SHROOM3: variants seen among roughly 807,000 people sequenced by gnomAD.
SHROOM3 encodes shroom family member 3, also known as protein Shroom3.
Under a neutral mutation model 138.6 loss-of-function variants are expected in SHROOM3, and 47 were observed. That is an observed-to-expected ratio of 0.34 (90% CI 0.27 to 0.43). The LOEUF is 0.43. Ranked by LOEUF, SHROOM3 falls within the 20% of genes least tolerant of loss-of-function variation. The probability of loss-of-function intolerance (pLI) is 1.00; values close to 1 mark genes in which losing one functional copy is unlikely to be tolerated. For synonymous variants in SHROOM3, 1,062 were observed against 1,063.3 expected (o/e 1.00, Z 0.02); for missense variants, 2,491 against 2,596.5 (o/e 0.96, Z 0.88).
In SHROOM3 at chr4:76,472,779, C is replaced by T. The variant is rs144127500; in HGVS notation, c.168+36559C>T. On this transcript the variant is annotated intron_variant, in intron 1 of 10. Coordinates refer to ENST00000296043, the MANE Select transcript of SHROOM3 (RefSeq NM_020859.4). ...GCGTGATCTCAGCTCACTGCAACCT[C>T]CGTGTCCTGGGTTCAAGCGATTATT... is the stretch of plus-strand genomic sequence containing the variant. 3.7e-3 allele frequency among the ~76,000 whole-genome samples: 568 copies of T among 152,110 alleles called. 4 individuals carry two copies. Among genetic ancestry groups the T allele is most frequent in the African/African-American group, 0.013 (546 of 41,484 alleles).
chr4:76,715,671 T>C (rs1720352420), intron 3 of SHROOM3, among the ~76,000 whole-genome samples: 1 of 152,230 alleles, frequency 6.6e-6, no homozygotes, highest in Non-Finnish European at 1.5e-5. Flanking sequence ...TCACCATGCT[T>C]CATAAAGTAA....
At position 76,436,143 on chromosome 4, in the gene SHROOM3, T is replaced by G; in HGVS notation, c.91T>G (p.Phe31Val). 6.2e-7 allele frequency: 1 copy of G among 1,614,082 alleles called. No individual in the cohort carries two copies. The highest frequency in any genetic ancestry group is 8.5e-7 in the Non-Finnish European group (1 of 1,179,942). ...GGGAAGGTACATTTATCTGGAGGCA[T>G]TCCTGGAGGGAGGAGCTCCCTGGGG... is the stretch of plus-strand genomic sequence containing the variant. ...TKGRYIYLEA[F>V]LEGGAPWGFT... Residue 31 changes from phenylalanine (F) to valine (V), a missense_variant, in exon 1 of 11, where the codon TTC becomes GTC. Around this residue, in one of 4 missense-constraint regions of SHROOM3, gnomAD observed 284 missense variants for 322.8 expected, o/e 0.88. Coordinates refer to ENST00000296043, the MANE Select transcript of SHROOM3 (RefSeq NM_020859.4).
At chr4:76,610,082 G>C (rs748316064) in intron 2 of SHROOM3, among the ~76,000 whole-genome samples, 7 of 152,194 alleles carry the variant, frequency 4.6e-5, no homozygotes, top group Non-Finnish European at 8.8e-5. Context: ...AGGGTAATGA[G>C]GATATAATCT....
At chr4:76,688,434 C>CT (rs1281338827) in intron 2 of SHROOM3, 2 of 985,276 alleles carry the variant, frequency 2.0e-6, no homozygotes, top group Non-Finnish European at 2.4e-6. Flanking sequence ...GAGGTCTTCT[C>CT]TGTGTCTATA....
At chr4:76,500,363 T>A (rs1579196666) in intron 1 of SHROOM3, among the ~76,000 whole-genome samples, 1 of 152,134 alleles carries the variant, frequency 6.6e-6, no homozygotes. Flanking sequence ...CAGCTACAGG[T>A]CTCCCTGTGT....
At position 76,739,128 on chromosome 4, in the gene SHROOM3, G is replaced by T. The variant is rs551747532; in HGVS notation, c.955G>T (p.Ala319Ser). 6.2e-7 allele frequency: 1 copy of T among 1,614,214 alleles called. No individual in the cohort carries two copies. The highest frequency in any genetic ancestry group is 2.2e-5 in the East Asian group (1 of 44,886). ...TVYDTRRGVS[A>S]EYEVNSSALL... ...CTATGACACCCGGAGGGGAGTCTCA[G>T]CAGAGTATGAGGTGAACTCTTCAGC... The change falls in exon 5 of 11, where the codon GCA (alanine) becomes TCA (serine). Residue 319 changes from alanine to serine, a missense_variant. By Grantham distance (99) the Ala-to-Ser change is moderately conservative. This residue lies in a region of SHROOM3 where 1,733 missense variants were observed against 1,661.6 expected (regional missense o/e 1.04). Coordinates refer to ENST00000296043, the MANE Select transcript of SHROOM3 (RefSeq NM_020859.4).
intron 2 of SHROOM3, among the ~76,000 whole-genome samples, chr4:76,617,588 T>C (rs1014192012): frequency 1.3e-5 from 2 of 152,218 alleles, no homozygotes; most frequent in Non-Finnish European, 2.9e-5. Flanking sequence ...TGTAGACTTA[T>C]GCTAAGATGT....
chr4:76,584,362 CAACAT>C (rs1450485700), intron 2 of SHROOM3, among the ~76,000 whole-genome samples: 1 of 151,448 alleles, frequency 6.6e-6, no homozygotes, highest in African/African-American at 2.4e-5. Context: ...TTTACTGTAA[CAACAT>C]AACATCCATG....
chr4:76,586,231 G>A (rs1734149939), intron 2 of SHROOM3: 1 of 985,372 alleles, frequency 1.0e-6, no homozygotes, highest in Non-Finnish European at 1.2e-6. Flanking sequence ...TGGCTAATCA[G>A]GGCAGCCCAG....
chr4:76,694,014 A>T lies in SHROOM3; in HGVS notation c.324-16142A>T, dbSNP rs532085373. 5.3e-5 allele frequency among the ~76,000 whole-genome samples: 8 copies of T among 152,282 alleles called. No homozygotes were observed. The East Asian group carries it at 1.5e-3, about 29-fold the overall frequency. On this transcript the variant is annotated intron_variant, in intron 2 of 10. Transcript: ENST00000296043. ...CGATCTCTCTATCAAAATTAACGTCATGCTTTTCAGTAAAATGCTTTGGAC... is the reference window on the plus strand; with the variant it reads ...CGATCTCTCTATCAAAATTAACGTCTTGCTTTTCAGTAAAATGCTTTGGAC...
At chr4:76,588,257 A>C (rs564359321) in intron 2 of SHROOM3, among the ~76,000 whole-genome samples, 1 of 152,246 alleles carries the variant, frequency 6.6e-6, no homozygotes, top group African/African-American at 2.4e-5. Flanking sequence ...ATTAATAACT[A>C]TGATAAATAG....
chr4:76,610,799 T>A (rs567538455), intron 2 of SHROOM3, among the ~76,000 whole-genome samples: 1 of 152,176 alleles, frequency 6.6e-6, no homozygotes, highest in African/African-American at 2.4e-5. Context: ...GATTGAGAGA[T>A]CCAAAGTCAA....
intron 2 of SHROOM3, among the ~76,000 whole-genome samples, chr4:76,616,176 C>T (rs1001036999): frequency 2.6e-5 from 4 of 152,146 alleles, no homozygotes; most frequent in African/African-American, 9.7e-5. Context: ...CAGCATCATA[C>T]GGGGGTTAGG....
intron 2 of SHROOM3, among the ~76,000 whole-genome samples, chr4:76,577,860 GT>G (rs1336648011): frequency 2.6e-5 from 4 of 152,236 alleles, no homozygotes; most frequent in Non-Finnish European, 5.9e-5. Flanking sequence ...ATAAGACAAT[GT>G]TTCCATAAGC....
At chr4:76,477,688 A>T (rs1731516245) in intron 1 of SHROOM3, among the ~76,000 whole-genome samples, 1 of 152,234 alleles carries the variant, frequency 6.6e-6, no homozygotes, top group African/African-American at 2.4e-5. Flanking sequence ...GGCTGGCAAG[A>T]TGGCCGAATA....
chr4:76,440,697 G>A (rs995314808), intron 1 of SHROOM3, among the ~76,000 whole-genome samples: 2 of 152,066 alleles, frequency 1.3e-5, no homozygotes, highest in African/African-American at 4.8e-5. Context: ...TTAAAGGTAG[G>A]CCACTGCCCT....
chr4:76,528,512 C>A (rs1343980152), intron 1 of SHROOM3, among the ~76,000 whole-genome samples: 2 of 147,244 alleles, frequency 1.4e-5, no homozygotes, highest in Non-Finnish European at 3.0e-5. Context: ...AATTCTTAGT[C>A]AATATAGGAC....
intron 1 of SHROOM3, among the ~76,000 whole-genome samples, chr4:76,514,557 C>T (rs1330249550): frequency 6.6e-6 from 1 of 152,062 alleles, no homozygotes; most frequent in Admixed American, 6.6e-5. Flanking sequence ...TGAAAATGTT[C>T]TGAAATTAGA....
chr4:76,706,645 A>G (rs972216217), intron 2 of SHROOM3, among the ~76,000 whole-genome samples: 10 of 152,164 alleles, frequency 6.6e-5, no homozygotes, highest in South Asian at 2.1e-4. Flanking sequence ...AAATCTGCGT[A>G]TAAGAGGACC....
Sources: gnomAD v4.1 joint callset for allele counts (sites outside exome capture counted in the v4.1 genomes callset) on GRCh38, gnomAD v4.1.1 for gene constraint, gnomAD v4.1.1 regional missense constraint, MANE v1.5 for transcripts, NCBI Gene and HGNC (gene_info 2026-07-23, HGNC 2026-07-21) for gene names.